The following RFFL variants were observed in gnomAD, a reference collection of about 807,000 sequenced individuals.
The protein encoded by RFFL is ring finger and FYVE like domain containing E3 ubiquitin protein ligase, also known as E3 ubiquitin-protein ligase rififylin.
Under a neutral mutation model 40.4 loss-of-function variants are expected in RFFL, and 16 were observed. The observed-to-expected ratio is 0.40, with a 90% confidence interval of 0.27 to 0.60. RFFL has a LOEUF of 0.60. Ranked by LOEUF, RFFL falls within the 20% of genes least tolerant of loss-of-function variation. The probability of loss-of-function intolerance (pLI) is 0.47; values close to 1 mark genes in which losing one functional copy is unlikely to be tolerated. For synonymous variants in RFFL, 154 were observed against 167.9 expected (o/e 0.92, Z 0.64); for missense variants, 367 against 451.7 (o/e 0.81, Z 1.70).
At chr17:35,049,658 C>G (rs1408474189) in intron 1 of RFFL, among the ~76,000 whole-genome samples, 1 of 152,146 alleles carries the variant, frequency 6.6e-6, no homozygotes, top group Non-Finnish European at 1.5e-5. Flanking sequence ...CTCCAGTACT[C>G]AAAGAGAGTT....
Position 35,069,261 on chromosome 17 carries a change from G to A in RFFL, c.-9+19844C>T, listed in dbSNP as rs77383051. ...TCAAACTTCCTAAACGTCTACCCTG[G>A]TTTCCACTAATAATGCCCCAAGATT... On this transcript the variant is annotated intron_variant, in intron 1 of 6. Transcript: ENST00000315249. The A allele has an allele frequency of 6.0e-3, 2,759 of 456,634 alleles. 15 individuals are homozygous for A. The highest frequency in any genetic ancestry group is 8.7e-3 in the Non-Finnish European group (1,967 of 226,946). 28.3% of individuals were successfully genotyped at this position (456,634 alleles called of 1,614,324 possible).
intron 1 of RFFL, chr17:35,069,342 A>C (rs903069006): frequency 2.2e-6 from 1 of 456,494 alleles, no homozygotes; most frequent in African/African-American, 2.0e-5. Flanking sequence ...CACGTGTTTC[A>C]TCTTGAAGGG....
upstream of RFFL, among the ~76,000 whole-genome samples, chr17:35,067,448 T>C (rs1218204034): frequency 2.0e-5 from 3 of 148,294 alleles, no homozygotes; most frequent in African/African-American, 7.7e-5. Context: ...TATCTCTCTC[T>C]TCCAAGCCTT....
intron 1 of RFFL, among the ~76,000 whole-genome samples, chr17:35,044,612 T>A (rs1366408668): frequency 1.3e-5 from 2 of 152,048 alleles, no homozygotes; most frequent in Non-Finnish European, 1.5e-5. Flanking sequence ...AGACTCCATC[T>A]CAAAAAAAAT....
At chr17:35,077,000 C>A in intron 1 of RFFL, 2 of 300,988 alleles carry the variant, frequency 6.6e-6, no homozygotes, top group South Asian at 7.7e-5. Context: ...GCATCCAGTT[C>A]ATCTTAAGAA....
rs551942853 is a variant in RFFL, at chr17:35,010,308, A to G, written c.*1660T>C. ...GCATAGTTCATCCATTGGTAATGGG[A>G]AAACACTCTGCTTTCCTGATCATGT... On this transcript the variant is annotated 3_prime_UTR_variant, in exon 7 of 7. Coordinates refer to ENST00000394597, the MANE Select transcript of RFFL (RefSeq NM_001017368.2). The G allele has an allele frequency of 2.0e-5, 3 of 152,292 alleles. No individual in the cohort carries two copies. In the East Asian group the frequency reaches 5.8e-4, roughly 29 times the overall value. The allele number at this position is 152,292 out of a possible 1,614,324, so 9.4% of individuals were successfully genotyped here. A position where few individuals can be genotyped will look rare whatever the true frequency, so the allele number is the denominator to read the frequency against.
At chr17:35,012,389 C>T (rs1443601005) in intron 6 of RFFL, among the ~76,000 whole-genome samples, 1 of 152,176 alleles carries the variant, frequency 6.6e-6, no homozygotes, top group Non-Finnish European at 1.5e-5. Flanking sequence ...GAAAAGTACA[C>T]AGCACTTGTG....
chr17:35,081,819 C>T (rs574011128), intron 1 of RFFL, among the ~76,000 whole-genome samples: 1 of 152,094 alleles, frequency 6.6e-6, no homozygotes, highest in South Asian at 2.1e-4. Context: ...ATGGCAGCAG[C>T]GCAGTGAACA....
intron 1 of RFFL, among the ~76,000 whole-genome samples, chr17:35,085,215 C>A (rs1459891681): frequency 2.0e-5 from 3 of 152,168 alleles, no homozygotes; most frequent in Non-Finnish European, 2.9e-5. Context: ...TAAAGCTGCA[C>A]TGAACCCAAT....
intron 2 of RFFL, among the ~76,000 whole-genome samples, chr17:35,022,925 C>T (rs2091018568): frequency 6.6e-6 from 1 of 152,220 alleles, no homozygotes; most frequent in African/African-American, 2.4e-5. Flanking sequence ...CTGGCAGCAG[C>T]TAGTCTGGCA....
chr17:35,014,875 G>A, intron 5 of RFFL, 112 bp from the exon 6 acceptor site: 1 of 1,060,772 alleles, frequency 9.4e-7, no homozygotes, highest in Non-Finnish European at 1.5e-6. Flanking sequence ...CTGGGAACCA[G>A]GCTTGCCAAG....
intron 3 of RFFL, among the ~76,000 whole-genome samples, chr17:35,019,226 G>C (rs116164787): frequency 8.5e-5 from 13 of 152,282 alleles, no homozygotes; most frequent in African/African-American, 3.1e-4. Context: ...GGGGATGTAA[G>C]CAGACACTAA....
rs2090902237 is a variant in RFFL, at chr17:35,007,310, T to A, written c.*4658A>T. 1 of 152,304 alleles carries A rather than the reference T, an allele frequency of 6.6e-6. No individual in the cohort carries two copies. Among genetic ancestry groups the A allele is most frequent in the African/African-American group, 2.4e-5 (1 of 41,472 alleles). The allele number at this position is 152,304 out of a possible 1,614,324, so 9.4% of individuals were successfully genotyped here. A position where few individuals can be genotyped will look rare whatever the true frequency, so the allele number is the denominator to read the frequency against. On this transcript the variant is annotated 3_prime_UTR_variant, in exon 7 of 7. Coordinates refer to ENST00000394597, the MANE Select transcript of RFFL (RefSeq NM_001017368.2). The stretch of plus-strand genomic sequence containing the variant: ...CAATGTCAGTGGTTTTTTATGTATT[T>A]TCTTCCAGTCTTTGCTGCTGAGATC...
chr17:35,029,468 T>C (rs1240928820), intron 1 of RFFL, among the ~76,000 whole-genome samples: 2 of 149,044 alleles, frequency 1.3e-5, no homozygotes, highest in African/African-American at 5.0e-5. Context: ...CTCAGCTTCC[T>C]GAGTAGCTGG....
Position 35,007,049 on chromosome 17 carries a change from A to G in RFFL, c.*4919T>C, listed in dbSNP as rs899714964. The G allele has an allele frequency of 6.6e-6, 1 of 152,282 alleles. No individual in the cohort carries two copies. 9.4% of individuals were successfully genotyped at this position (152,282 alleles called of 1,614,324 possible). ...GCTCCTCCTTTGAGTACTGACCTAC[A>G]TAGATTTCCATTTCTCTCTTCAGCC... On this transcript the variant is annotated 3_prime_UTR_variant, in exon 7 of 7. Transcript: ENST00000394597.
chr17:35,054,879 A>C (rs148090360), intron 1 of RFFL, among the ~76,000 whole-genome samples: 59 of 151,994 alleles, frequency 3.9e-4, no homozygotes, highest in East Asian at 3.9e-3. Context: ...TAACACAGTG[A>C]CAGGCTTAGA....
chr17:35,069,525 A>C, intron 1 of RFFL: 1 of 355,738 alleles, frequency 2.8e-6, no homozygotes, highest in Non-Finnish European at 5.5e-6. Context: ...CAAAATAAAG[A>C]CTGAACTGTG....
rs370715027 is a variant in RFFL, at chr17:35,076,403, G to A, written c.-9+12702C>T. On this transcript the variant is annotated intron_variant, in intron 1 of 6. Coordinates refer to the RFFL transcript ENST00000315249. ...TTTTAAAAATAATAGTAAAAACGCCGGGCGTGGTGATTCATGCCTATAATT... is the reference window on the plus strand; with the variant it reads ...TTTTAAAAATAATAGTAAAAACGCCAGGCGTGGTGATTCATGCCTATAATT... 7.9e-5 allele frequency among the ~76,000 whole-genome samples: 12 copies of A among 152,008 alleles called. No individual in the cohort carries two copies. In the East Asian group the frequency reaches 1.4e-3, roughly 17 times the overall value.
chr17:35,054,940 T>C lies in RFFL; in HGVS notation c.-9+8636A>G, dbSNP rs113089598. ...AACAGCTTTTTTTTTTTTTTTGAGATTGAGTCTTGCTTTGTTGCCCAGGCT... is the reference window on the plus strand; with the variant it reads ...AACAGCTTTTTTTTTTTTTTTGAGACTGAGTCTTGCTTTGTTGCCCAGGCT... On this transcript the variant is annotated intron_variant, in intron 1 of 6. Coordinates refer to ENST00000394597, the MANE Select transcript of RFFL (RefSeq NM_001017368.2). Among the ~76,000 whole-genome samples, 291 of 151,064 alleles carry C rather than the reference T, an allele frequency of 1.9e-3. 4 individuals are homozygous for C. Among genetic ancestry groups the C allele is most frequent in the African/African-American group, 6.6e-3 (272 of 41,092 alleles).
Sources: allele counts gnomAD v4.1 joint callset (sites outside exome capture counted in the v4.1 genomes callset), GRCh38; gene constraint gnomAD v4.1.1; transcripts MANE v1.5; gene names NCBI Gene and HGNC (gene_info 2026-07-23, HGNC 2026-07-21).